BACH2: variants seen among roughly 807,000 people sequenced by gnomAD.
The protein encoded by BACH2 is BACH transcriptional regulator 2.
In BACH2, 5 loss-of-function variants were observed where a neutral mutation model predicts 61.8. The ratio of observed to expected loss-of-function variants is 0.08; its 90% CI spans 0.04 to 0.17. The LOEUF (loss-of-function observed/expected upper bound fraction) is 0.17. Among genes scored for constraint, BACH2 ranks in the 10% least tolerant of loss-of-function variants. BACH2 has a pLI of 1.00. For missense variants in BACH2, 824 were observed against 1,091.1 expected (o/e 0.76, Z 3.45); for synonymous variants, 446 against 440.1 (o/e 1.01, Z -0.17).
At chr6:89,985,216 A>C (rs546433170) in intron 6 of BACH2, among the ~76,000 whole-genome samples, 1 of 152,312 alleles carries the variant, frequency 6.6e-6, no homozygotes, top group South Asian at 2.1e-4. Flanking sequence ...TTAACGGATT[A>C]ATGTTTAGGA....
At chr6:90,121,685 C>G (rs1450257047) in intron 4 of BACH2, among the ~76,000 whole-genome samples, 2 of 152,038 alleles carry the variant, frequency 1.3e-5, no homozygotes, top group Non-Finnish European at 2.9e-5. Context: ...TGGGATCTTA[C>G]AGGCGTCCAC....
At chr6:90,108,955 T>C (rs1783046839) in intron 4 of BACH2, among the ~76,000 whole-genome samples, 1 of 152,192 alleles carries the variant, frequency 6.6e-6, no homozygotes, top group African/African-American at 2.4e-5. Flanking sequence ...AGAATCTGTT[T>C]CTGAATTTAC....
chr6:89,933,114 T>C (rs779973822), intron 8 of BACH2, among the ~76,000 whole-genome samples: 2 of 152,146 alleles, frequency 1.3e-5, no homozygotes, highest in Non-Finnish European at 2.9e-5. Flanking sequence ...AGGACATCTC[T>C]TCATCCCTCT....
rs182429446 is a variant in BACH2, at chr6:90,161,323, T to C, written c.-162+45246A>G. Among the ~76,000 whole-genome samples, 365 of 152,274 alleles carry C rather than the reference T, an allele frequency of 2.4e-3. 6 individuals are homozygous for C. Among genetic ancestry groups the C allele is most frequent in the Non-Finnish European group, 6.3e-4 (43 of 68,024 alleles). The stretch of plus-strand genomic sequence containing the variant: ...TATTATCTGTGATTGGTACTAATGA[T>C]TTGCAAATCATATTAATGACCATAA... On this transcript the variant is annotated intron_variant, in intron 4 of 8. Transcript: ENST00000257749.
intron 4 of BACH2, among the ~76,000 whole-genome samples, chr6:90,198,270 G>C (rs13210253): frequency 6.6e-6 from 1 of 152,110 alleles, no homozygotes; most frequent in African/African-American, 2.4e-5. Flanking sequence ...CACAGCTCCC[G>C]TGTGTCCAGA....
At chr6:90,127,755 G>A (rs747563970) in intron 4 of BACH2, among the ~76,000 whole-genome samples, 3 of 152,184 alleles carry the variant, frequency 2.0e-5, no homozygotes, top group Non-Finnish European at 4.4e-5. Context: ...GGCTCAGCTC[G>A]GCGATCTGCT....
At chr6:90,255,505 G>A (rs1770948273) in intron 2 of BACH2, among the ~76,000 whole-genome samples, 1 of 152,198 alleles carries the variant, frequency 6.6e-6, no homozygotes, top group Non-Finnish European at 1.5e-5. Flanking sequence ...GAATGACAGA[G>A]GAGATGGCAT....
At chr6:90,165,070 T>C (rs1398780594) in intron 4 of BACH2, among the ~76,000 whole-genome samples, 2 of 152,124 alleles carry the variant, frequency 1.3e-5, no homozygotes, top group South Asian at 2.1e-4. Context: ...CCAGGGCAAT[T>C]AGGCAGGAGA....
intron 4 of BACH2, among the ~76,000 whole-genome samples, chr6:90,119,992 A>G (rs1469221003): frequency 2.0e-5 from 3 of 152,230 alleles, no homozygotes; most frequent in African/African-American, 7.2e-5. Flanking sequence ...ATGTACTAGA[A>G]AGACACAGGA....
chr6:90,003,184 G>A (rs1421293638), intron 6 of BACH2, among the ~76,000 whole-genome samples: 2 of 152,024 alleles, frequency 1.3e-5, no homozygotes, highest in African/African-American at 4.8e-5. Flanking sequence ...AAGACCAATC[G>A]CTCAGTGAGG....
At chr6:89,955,824 GTTAC>G (rs982906458) in intron 6 of BACH2, among the ~76,000 whole-genome samples, 1 of 151,866 alleles carries the variant, frequency 6.6e-6, no homozygotes, top group East Asian at 2.0e-4. Flanking sequence ...AGTCTGCATT[GTTAC>G]TTACTTTTTG....
intron 5 of BACH2, among the ~76,000 whole-genome samples, chr6:90,056,472 C>T (rs1227105790): frequency 6.6e-6 from 1 of 152,114 alleles, no homozygotes; most frequent in Non-Finnish European, 1.5e-5. Context: ...ATTCATAAAG[C>T]AAGTCCTGAG....
At chr6:90,296,038 G>C (rs927050401) in intron 1 of BACH2, among the ~76,000 whole-genome samples, 1 of 152,096 alleles carries the variant, frequency 6.6e-6, no homozygotes, top group East Asian at 2.0e-4. Flanking sequence ...GCTGGGGGCC[G>C]GGACACCCGG....
chr6:90,185,801 T>G (rs1768336665), intron 4 of BACH2, among the ~76,000 whole-genome samples: 1 of 152,206 alleles, frequency 6.6e-6, no homozygotes, highest in Non-Finnish European at 1.5e-5. Flanking sequence ...CACTGTAAAC[T>G]CCCAGAGAGC....
intron 1 of BACH2, among the ~76,000 whole-genome samples, chr6:90,296,122 C>T (rs958709631): frequency 2.6e-5 from 4 of 152,122 alleles, no homozygotes; most frequent in East Asian, 1.9e-4. Flanking sequence ...CCTCCTGCAG[C>T]CCGCCCTCCC....
At chr6:90,215,735 C>T (rs1285634917) in intron 3 of BACH2, among the ~76,000 whole-genome samples, 1 of 152,146 alleles carries the variant, frequency 6.6e-6, no homozygotes, top group Admixed American at 6.5e-5. Flanking sequence ...GAATTATGTT[C>T]TTTGTAGCCT....
chr6:90,182,135 T>C (rs762314207), intron 4 of BACH2, among the ~76,000 whole-genome samples: 4 of 152,332 alleles, frequency 2.6e-5, no homozygotes, highest in East Asian at 3.9e-4. Flanking sequence ...TTGATGCTGA[T>C]AGCAACCCTC....
chr6:90,092,315 T>TATATAC lies in BACH2; in HGVS notation c.-161-3207_-161-3206insGTATAT, dbSNP rs142761642. Among the ~76,000 whole-genome samples, 709 of 111,842 alleles carry TATATAC rather than the reference T, an allele frequency of 6.3e-3. 4 individuals are homozygous for TATATAC. Among genetic ancestry groups the TATATAC allele is most frequent in the African/African-American group, 0.013 (367 of 27,580 alleles). The allele number at this position is 111,842 out of a possible 152,430, so 73.4% of individuals were successfully genotyped here. A position where few individuals can be genotyped will look rare whatever the true frequency, so the allele number is the denominator to read the frequency against. ...AAATATATATATATATATATATATA[T>TATATAC]ACACACACACACATTGCATCACTTG... On this transcript the variant is annotated intron_variant, in intron 4 of 8. Transcript: ENST00000257749.
rs3221352 is a variant in BACH2 at position 90,218,920 on chromosome 6, CGTGTGT to C, written c.-274-12245_-274-12240del. Among the ~76,000 whole-genome samples, 413 of 140,488 alleles carry C rather than the reference CGTGTGT, an allele frequency of 2.9e-3. 2 individuals carry two copies. The highest frequency in any genetic ancestry group is 9.2e-3 in the African/African-American group (346 of 37,812). 92.2% of individuals were successfully genotyped at this position (140,488 alleles called of 152,430 possible). A position where few individuals can be genotyped will look rare whatever the true frequency, so the allele number is the denominator to read the frequency against. On this transcript the variant is annotated intron_variant, in intron 3 of 8. Coordinates refer to ENST00000257749, the MANE Select transcript of BACH2 (RefSeq NM_021813.4). ...GGGCTGTGAATTTCGGTTTCCTTTC[CGTGTGT>C]GTGTGTGTGTGTGTGTGTGTGTGTG...
Sources: gnomAD v4.1 joint callset for allele counts (sites outside exome capture counted in the v4.1 genomes callset) on GRCh38, gnomAD v4.1.1 for gene constraint, MANE v1.5 for transcripts, NCBI Gene and HGNC (gene_info 2026-07-23, HGNC 2026-07-21) for gene names.